Variants in PPIL2 observed in about 807,000 individuals in gnomAD.
PPIL2 encodes the protein peptidylprolyl isomerase like 2.
In PPIL2, 50 loss-of-function variants were observed where a neutral mutation model predicts 75.2. That is an observed-to-expected ratio of 0.66 (90% confidence interval 0.53 to 0.84). The LOEUF (loss-of-function observed/expected upper bound fraction) is 0.84, where lower values mean the gene tolerates loss of function less well. PPIL2 is among the 40% of genes least tolerant of loss of function. PPIL2 has a pLI of 0.00. For missense variants in PPIL2, 590 were observed against 685.0 expected (o/e 0.86, Z 1.55); for synonymous variants, 245 against 258.8 (o/e 0.95, Z 0.51).
At chr22:21,675,023 A>T in intron 5 of PPIL2, 41 bp from the exon 6 acceptor site, 2 of 1,537,228 alleles carry the variant, frequency 1.3e-6, no homozygotes, top group Non-Finnish European at 1.8e-6. Context: ...TGCATCAGTT[A>T]CTTATTCATT....
At chr22:21,666,466 G>C (rs1569013064) in intron 1 of PPIL2, among the ~76,000 whole-genome samples, 3 of 152,320 alleles carry the variant, frequency 2.0e-5, no homozygotes, top group East Asian at 3.9e-4. Flanking sequence ...GTCTCGCTGT[G>C]TTCTGGTTCA....
chr22:21,677,233 G>C (rs2066909681), intron 6 of PPIL2, among the ~76,000 whole-genome samples: 1 of 123,448 alleles, frequency 8.1e-6, no homozygotes, highest in African/African-American at 2.8e-5. Flanking sequence ...AGGCAGAGGC[G>C]CTCCTCACAT....
At chr22:21,678,889 G>A (rs1291468797) in intron 6 of PPIL2, among the ~76,000 whole-genome samples, 1 of 134,140 alleles carries the variant, frequency 7.5e-6, no homozygotes, top group Non-Finnish European at 1.6e-5. Context: ...ACCATGCCCA[G>A]CCAATTTTTT....
chr22:21,672,483 A>G (rs2066673653), intron 5 of PPIL2, 102 bp downstream of exon 5: 2 of 1,211,252 alleles, frequency 1.7e-6, no homozygotes, highest in Non-Finnish European at 2.4e-6. Context: ...ATGGGAGAGA[A>G]CCGTTCATGG....
At chr22:21,669,711 G>A (rs562773808) in intron 1 of PPIL2, among the ~76,000 whole-genome samples, 15 of 152,238 alleles carry the variant, frequency 9.9e-5, no homozygotes, top group African/African-American at 3.6e-4. Context: ...TGTTGGCCAG[G>A]CTTGTCTTAA....
At chr22:21,669,414 G>C (rs962280721) in intron 1 of PPIL2, 1 of 450,100 alleles carries the variant, frequency 2.2e-6, no homozygotes, top group Non-Finnish European at 4.5e-6. Flanking sequence ...CTCCCAAACT[G>C]TTGGGATTAT....
chr22:21,683,982 C>T (rs969961320), intron 9 of PPIL2, among the ~76,000 whole-genome samples: 1 of 152,064 alleles, frequency 6.6e-6, no homozygotes, highest in Admixed American at 6.6e-5. Context: ...CCAAGGCAGG[C>T]GGATTGCTTG....
chr22:21,669,784 G>A lies in PPIL2; in HGVS notation c.33-129G>A, dbSNP rs1204636853. 8.4e-6 allele frequency: 8 copies of A among 950,410 alleles called. No homozygotes were observed. In the Admixed American group the frequency reaches 1.4e-4, roughly 17 times the overall value. 58.9% of individuals were successfully genotyped at this position (950,410 alleles called of 1,614,324 possible). ...CAAAGTGTTGGGATTACAGGCGTTA[G>A]CCACCGTGCCCGCCCCATAGTAGGT... On this transcript the variant is annotated intron_variant, in intron 1 of 19. Coordinates refer to ENST00000398831, the MANE Select transcript of PPIL2 (RefSeq NM_014337.4).
At chr22:21,675,671 G>T (rs1219320249) in intron 6 of PPIL2, among the ~76,000 whole-genome samples, 1 of 152,238 alleles carries the variant, frequency 6.6e-6, no homozygotes, top group African/African-American at 2.4e-5. Context: ...AGTGGCCTTT[G>T]TGGGCACAGT....
At position 21,681,376 on chromosome 22, in the gene PPIL2, G is replaced by C; in HGVS notation, c.373G>C (p.Val125Leu). Residue 125 changes from valine (V) to leucine (L), a missense_variant, in exon 7 of 20, where the codon GTC (valine) becomes CTC (leucine). Val to Leu is a conservative substitution (Grantham distance 32, BLOSUM62 1). Transcript: ENST00000398831. ...CGTGGCTGTGAGGACGACCGGCAAC[G>C]TCTACGCCTATGAGGTGTGTCCTCG... ...HIVAVRTTGN[V>L]YAYEAVEQLN... 6.2e-7 allele frequency: 1 copy of C among 1,613,588 alleles called. No homozygotes were observed. The highest frequency in any genetic ancestry group is 2.2e-5 in the East Asian group (1 of 44,882).
rs1401627394 is a variant in PPIL2, at chr22:21,696,895, G to T, written c.*1405G>T. The T allele has an allele frequency of 1.3e-6, 2 of 1,592,862 alleles. No homozygotes were observed. The highest frequency in any genetic ancestry group is 1.7e-6 in the Non-Finnish European group (2 of 1,170,340). ...CATCCACTGCCACAGGCTGCCTGAT[G>T]ACCACTAGAGGTATGTCTGCCCCTC... On this transcript the variant is annotated 3_prime_UTR_variant, in exon 20 of 20. Coordinates refer to ENST00000398831, the MANE Select transcript of PPIL2 (RefSeq NM_014337.4).
rs571971430 is a variant in PPIL2 at position 21,674,989 on chromosome 22, C to T, written c.244-75C>T. 492 of 1,359,560 alleles carry T rather than the reference C, an allele frequency of 3.6e-4. No individual in the cohort carries two copies. In the African/African-American group the frequency reaches 5.1e-3, roughly 14 times the overall value. The allele number at this position is 1,359,560 out of a possible 1,614,324, so 84.2% of individuals were successfully genotyped here. ...TGGCCTAGTCAGAGACTTTTCCTGC[C>T]TGTCTCTGACCCTAGCATCTCTGTG... On this transcript the variant is annotated intron_variant, in intron 5 of 19. Coordinates refer to ENST00000398831, the MANE Select transcript of PPIL2 (RefSeq NM_014337.4).
At chr22:21,677,674 G>C (rs745533495) in intron 6 of PPIL2, among the ~76,000 whole-genome samples, 19 of 151,150 alleles carry the variant, frequency 1.3e-4, no homozygotes, top group Middle Eastern at 3.4e-3. Context: ...CTCGGCATCA[G>C]AGGGAGACCC....
At chr22:21,675,841 C>A (rs945840023) in intron 6 of PPIL2, among the ~76,000 whole-genome samples, 3 of 152,218 alleles carry the variant, frequency 2.0e-5, no homozygotes, top group African/African-American at 7.2e-5. Context: ...CTTTTCTTTG[C>A]CACAGCTCAT....
chr22:21,668,238 T>C (rs1258339268), intron 1 of PPIL2, among the ~76,000 whole-genome samples: 2 of 152,168 alleles, frequency 1.3e-5, no homozygotes, highest in Non-Finnish European at 2.9e-5. Context: ...ACTGAGTTCC[T>C]GGCCATGATG....
chr22:21,668,498 A>G (rs1040470025), intron 1 of PPIL2, among the ~76,000 whole-genome samples: 6 of 150,508 alleles, frequency 4.0e-5, no homozygotes, highest in Non-Finnish European at 8.9e-5. Context: ...GCGTGGTGGC[A>G]GGCGCCTGTA....
chr22:21,695,627 C>T lies in PPIL2; in HGVS notation c.*137C>T. 1 of 1,478,506 alleles carries T rather than the reference C, an allele frequency of 6.8e-7. No homozygotes were observed. Among genetic ancestry groups the T allele is most frequent in the Non-Finnish European group, 9.0e-7 (1 of 1,110,890 alleles). The allele number at this position is 1,478,506 out of a possible 1,614,324, so 91.6% of individuals were successfully genotyped here. A position where few individuals can be genotyped will look rare whatever the true frequency, so the allele number is the denominator to read the frequency against. On this transcript the variant is annotated 3_prime_UTR_variant, in exon 20 of 20. Transcript: ENST00000398831. ...TTGCCTGCTGCCTGCATCCCCTTTCCTGGCCCCTGGGAGCCCACAGCCTTC... is the reference window on the plus strand; with the variant it reads ...TTGCCTGCTGCCTGCATCCCCTTTCTTGGCCCCTGGGAGCCCACAGCCTTC...
Position 21,694,897 on chromosome 22 carries a change from C to T in PPIL2, c.1333-40C>T, listed in dbSNP as rs199873979. On this transcript the variant is annotated intron_variant, in intron 18 of 19. Transcript: ENST00000398831. ...CCCCAAGCCTAGCATCTGTCCTGCC[C>T]GAGGTGCTGCCGGTTAGCCAGCGCC... The T allele has an allele frequency of 3.2e-5, 51 of 1,605,550 alleles. No homozygotes were observed. In the East Asian group the frequency reaches 8.0e-4, roughly 25 times the overall value.
At chr22:21,667,519 T>C (rs2066440449) in intron 1 of PPIL2, among the ~76,000 whole-genome samples, 1 of 152,084 alleles carries the variant, frequency 6.6e-6, no homozygotes, top group Non-Finnish European at 1.5e-5. Flanking sequence ...ACTCCCTCCT[T>C]CTGAAGCCCT....
Sources: gnomAD v4.1 joint callset for allele counts (sites outside exome capture counted in the v4.1 genomes callset) on GRCh38, gnomAD v4.1.1 for gene constraint, MANE v1.5 for transcripts, NCBI Gene and HGNC (gene_info 2026-07-23, HGNC 2026-07-21) for gene names.